Variants in XKR4 observed in about 807,000 individuals in gnomAD.
XKR4 encodes the protein XK related 4.
In XKR4, 12 loss-of-function variants were observed where a neutral mutation model predicts 53.9. That is an observed-to-expected ratio of 0.22 (90% CI 0.14 to 0.36). XKR4 has a LOEUF of 0.36. Ranked by LOEUF, XKR4 falls within the 10% of genes least tolerant of loss-of-function variation. XKR4 has a pLI of 1.00. For synonymous variants in XKR4, 354 were observed against 362.4 expected, an observed-to-expected ratio of 0.98 and a Z score of 0.26; for missense variants, 799 against 859.5, an observed-to-expected ratio of 0.93 and a Z score of 0.88.
Position 55,483,869 on chromosome 8 carries a change from G to A in XKR4, c.1007-39412G>A, listed in dbSNP as rs531344398. Among the ~76,000 whole-genome samples the A allele has an allele frequency of 2.6e-5, 4 of 152,040 alleles. No individual in the cohort carries two copies. In the South Asian group the frequency reaches 8.3e-4, roughly 32 times the overall value. ...CAATGTAAGTGAAAACAGAAAAATA[G>A]AGAAAATGAAATGAAATGAAATGAA... On this transcript the variant is annotated intron_variant, in intron 2 of 2. Coordinates refer to ENST00000327381, the MANE Select transcript of XKR4 (RefSeq NM_052898.2).
At chr8:55,231,091 C>T (rs1476617654) in intron 1 of XKR4, among the ~76,000 whole-genome samples, 2 of 152,066 alleles carry the variant, frequency 1.3e-5, no homozygotes, top group African/African-American at 2.4e-5. Flanking sequence ...AGGTTTCTTC[C>T]GTTGCTAAAG....
At chr8:55,509,067 T>A (rs151113971) in intron 2 of XKR4, among the ~76,000 whole-genome samples, 2 of 152,250 alleles carry the variant, frequency 1.3e-5, no homozygotes, top group African/African-American at 2.4e-5. Context: ...AATCAAATAA[T>A]ATATGGATTG....
chr8:55,404,561 A>G (rs970555022), intron 2 of XKR4, among the ~76,000 whole-genome samples: 8 of 152,194 alleles, frequency 5.3e-5, no homozygotes, highest in Non-Finnish European at 1.5e-5. Context: ...CATGCTCACT[A>G]CAGAAAGATC....
At chr8:55,456,267 A>C (rs1191917618) in intron 2 of XKR4, among the ~76,000 whole-genome samples, 1 of 152,142 alleles carries the variant, frequency 6.6e-6, no homozygotes, top group East Asian at 1.9e-4. Flanking sequence ...CCCTGTCTCT[A>C]CTAAAAATAC....
chr8:55,141,669 C>CTG (rs1239597098), intron 1 of XKR4, among the ~76,000 whole-genome samples: 5 of 147,468 alleles, frequency 3.4e-5, no homozygotes, highest in African/African-American at 1.0e-4. Context: ...CTCTCTCTCT[C>CTG]TCTGTGTGTG....
In XKR4 at chr8:55,144,161, T is replaced by A. The variant is rs75339098; in HGVS notation, c.806+40867T>A. 7.1e-4 allele frequency among the ~76,000 whole-genome samples: 108 copies of A among 152,334 alleles called. 1 individual carries two copies. The highest frequency in any genetic ancestry group is 2.5e-3 in the African/African-American group (103 of 41,574). On this transcript the variant is annotated intron_variant, in intron 1 of 2. Coordinates refer to ENST00000327381, the MANE Select transcript of XKR4 (RefSeq NM_052898.2). Reference sequence around the variant, plus strand: ...TAAAACAACACATTCATTTTGCATCTCTTCTTGTCAATATTATTTAACAGG... The same window carrying A: ...TAAAACAACACATTCATTTTGCATCACTTCTTGTCAATATTATTTAACAGG...
intron 2 of XKR4, among the ~76,000 whole-genome samples, chr8:55,359,111 C>T (rs1300890178): frequency 1.3e-5 from 2 of 152,206 alleles, no homozygotes; most frequent in Non-Finnish European, 2.9e-5. Context: ...TTCTCAATTG[C>T]TAGACAGCAA....
chr8:55,464,847 C>T lies in XKR4; in HGVS notation c.1007-58434C>T, dbSNP rs543938817. Among the ~76,000 whole-genome samples the T allele has an allele frequency of 3.9e-5, 6 of 152,174 alleles. No homozygotes were observed. In the East Asian group the frequency reaches 1.2e-3, roughly 29 times the overall value. On this transcript the variant is annotated intron_variant, in intron 2 of 2. Coordinates refer to ENST00000327381, the MANE Select transcript of XKR4 (RefSeq NM_052898.2). ...AGCATTCTTATACACCAAAAACAGA[C>T]AAACAGAGAGCCAAATCATGAGTGA...
At chr8:55,165,809 AAAAAAAAAAG>A (rs1173074595) in intron 1 of XKR4, among the ~76,000 whole-genome samples, 15 of 151,966 alleles carry the variant, frequency 9.9e-5, no homozygotes, top group East Asian at 1.9e-4. Flanking sequence ...CGTCTCAAAA[AAAAAAAAAAG>A]AAAAAAAAAG....
chr8:55,339,653 C>T (rs1280696354), intron 1 of XKR4, among the ~76,000 whole-genome samples: 1 of 152,156 alleles, frequency 6.6e-6, no homozygotes, highest in East Asian at 1.9e-4. Context: ...TTTCATAAAA[C>T]AGGAGGACGT....
chr8:55,385,788 A>G (rs1266801363), intron 2 of XKR4, among the ~76,000 whole-genome samples: 2 of 152,222 alleles, frequency 1.3e-5, no homozygotes, highest in Non-Finnish European at 2.9e-5. Context: ...TCATATGCAA[A>G]TATTTTGCTT....
At chr8:55,334,098 G>A (rs1461953589) in intron 1 of XKR4, among the ~76,000 whole-genome samples, 1 of 152,010 alleles carries the variant, frequency 6.6e-6, no homozygotes, top group African/African-American at 2.4e-5. Context: ...AATGAAAGAA[G>A]GAAATGAAAG....
At chr8:55,180,118 A>T (rs1010024242) in intron 1 of XKR4, among the ~76,000 whole-genome samples, 6 of 152,244 alleles carry the variant, frequency 3.9e-5, no homozygotes, top group Non-Finnish European at 7.3e-5. Context: ...TACTGGTTCA[A>T]ATTAACTAAA....
intron 1 of XKR4, among the ~76,000 whole-genome samples, chr8:55,221,124 C>T (rs552621183): frequency 6.6e-6 from 1 of 152,352 alleles, no homozygotes; most frequent in South Asian, 2.1e-4. Flanking sequence ...GCAAGGCTGG[C>T]CGGCCAATGT....
At chr8:55,411,676 C>T (rs926483096) in intron 2 of XKR4, among the ~76,000 whole-genome samples, 1 of 152,180 alleles carries the variant, frequency 6.6e-6, no homozygotes, top group Non-Finnish European at 1.5e-5. Flanking sequence ...GGCCAGCATT[C>T]TCCTCCCCTC....
At chr8:55,455,255 CGCAGCGGCT>C (rs1428520939) in intron 2 of XKR4, 1 of 178,924 alleles carries the variant, frequency 5.6e-6, no homozygotes, top group East Asian at 1.6e-4. Context: ...CCGCGGCGGC[CGCAGCGGCT>C]GCGGCTGCGG....
chr8:55,146,120 T>C (rs1460000183), intron 1 of XKR4, among the ~76,000 whole-genome samples: 1 of 152,246 alleles, frequency 6.6e-6, no homozygotes, highest in African/African-American at 2.4e-5. Flanking sequence ...ATTTTTGCTA[T>C]ACCTTTTATG....
chr8:55,131,284 A>T (rs1816551284), intron 1 of XKR4, among the ~76,000 whole-genome samples: 2 of 152,218 alleles, frequency 1.3e-5, no homozygotes, highest in African/African-American at 4.8e-5. Context: ...TTTAAACTTG[A>T]GAAGCCTGAC....
chr8:55,405,641 C>T (rs1804669761), intron 2 of XKR4, among the ~76,000 whole-genome samples: 1 of 152,220 alleles, frequency 6.6e-6, no homozygotes, highest in Non-Finnish European at 1.5e-5. Context: ...GTAGCACACT[C>T]TTGATACTCT....
Sources: allele counts gnomAD v4.1 joint callset (sites outside exome capture counted in the v4.1 genomes callset), GRCh38; gene constraint gnomAD v4.1.1; transcripts MANE v1.5; gene names NCBI Gene and HGNC (gene_info 2026-07-23, HGNC 2026-07-21).